CNTN4: variants seen among roughly 807,000 people sequenced by gnomAD.
CNTN4 encodes the protein contactin 4.
In CNTN4, 77 loss-of-function variants were observed where a neutral mutation model predicts 122.5. The ratio of observed to expected loss-of-function variants is 0.63; its 90% CI spans 0.52 to 0.76. The LOEUF is 0.76. Among genes scored for constraint, CNTN4 ranks in the 30% least tolerant of loss-of-function variants. CNTN4 has a pLI of 0.00. For synonymous variants in CNTN4, 512 were observed against 447.0 expected, an observed-to-expected ratio of 1.15 and a Z score of -1.83; for missense variants, 1,256 against 1,259.1, an observed-to-expected ratio of 1.00 and a Z score of 0.04.
At chr3:2,170,208 T>C (rs1273037562) in intron 2 of CNTN4, among the ~76,000 whole-genome samples, 9 of 151,414 alleles carry the variant, frequency 5.9e-5, no homozygotes, top group Admixed American at 1.3e-4. Flanking sequence ...TAGTCCCAGC[T>C]ACTCGGGAGG....
chr3:2,594,582 C>G (rs763679390), intron 4 of CNTN4, among the ~76,000 whole-genome samples: 1 of 152,060 alleles, frequency 6.6e-6, no homozygotes, highest in Non-Finnish European at 1.5e-5. Flanking sequence ...CCACACCCGG[C>G]TAATATTTAT....
intron 4 of CNTN4, among the ~76,000 whole-genome samples, chr3:2,660,556 G>A (rs2083836521): frequency 6.6e-6 from 1 of 152,134 alleles, no homozygotes; most frequent in Admixed American, 6.5e-5. Context: ...CATATGTCCA[G>A]GCAATTAAAA....
At chr3:2,798,314 T>A (rs1282453070) in intron 6 of CNTN4, among the ~76,000 whole-genome samples, 10 of 133,874 alleles carry the variant, frequency 7.5e-5, no homozygotes, top group Non-Finnish European at 1.5e-4. Flanking sequence ...TATGTTTATA[T>A]ATTTATGTTT....
intron 3 of CNTN4, among the ~76,000 whole-genome samples, chr3:2,452,659 G>C (rs752615561): frequency 1.1e-4 from 16 of 152,080 alleles, no homozygotes; most frequent in Non-Finnish European, 1.6e-4. Flanking sequence ...TTTAATGAAT[G>C]CCAGGCTTCT....
chr3:2,278,277 AAC>A (rs1448734829), intron 2 of CNTN4, among the ~76,000 whole-genome samples: 1 of 152,240 alleles, frequency 6.6e-6, no homozygotes, highest in Non-Finnish European at 1.5e-5. Context: ...CTAAAAAATC[AAC>A]AGAGTTATTT....
At chr3:2,600,442 C>T (rs958341647) in intron 4 of CNTN4, among the ~76,000 whole-genome samples, 3 of 152,032 alleles carry the variant, frequency 2.0e-5, no homozygotes, top group African/African-American at 7.2e-5. Context: ...TGAGTGAGAA[C>T]ATGCGGTGTT....
chr3:2,840,723 A>C (rs1264049190), intron 7 of CNTN4, among the ~76,000 whole-genome samples: 1 of 151,946 alleles, frequency 6.6e-6, no homozygotes, highest in African/African-American at 2.4e-5. Context: ...TAAAAATAAA[A>C]AAATAAAAGC....
intron 12 of CNTN4, among the ~76,000 whole-genome samples, chr3:2,907,974 T>C (rs2094256146): frequency 6.6e-6 from 1 of 152,234 alleles, no homozygotes; most frequent in African/African-American, 2.4e-5. Flanking sequence ...GACTGAACTA[T>C]GACAATTGGC....
At chr3:2,650,801 T>C (rs2083325806) in intron 4 of CNTN4, among the ~76,000 whole-genome samples, 1 of 152,234 alleles carries the variant, frequency 6.6e-6, no homozygotes, top group South Asian at 2.1e-4. Context: ...GTACACTTAT[T>C]AAACTGCAGT....
At chr3:2,994,286 A>G (rs1250887365) in intron 14 of CNTN4, among the ~76,000 whole-genome samples, 1 of 152,118 alleles carries the variant, frequency 6.6e-6, no homozygotes, top group East Asian at 1.9e-4. Context: ...CTGGATTTTA[A>G]AAGAGTTCTT....
intron 4 of CNTN4, among the ~76,000 whole-genome samples, chr3:2,661,809 CAAAAAAAA>C (rs544079802): frequency 1.3e-5 from 1 of 78,494 alleles, no homozygotes; most frequent in African/African-American, 4.7e-5. Flanking sequence ...AATTCCATCT[CAAAAAAAA>C]AAAAAAAAAA....
intron 16 of CNTN4, among the ~76,000 whole-genome samples, 185 bp downstream of exon 16, chr3:3,031,160 G>A (rs76907304): frequency 6.6e-6 from 1 of 152,212 alleles, no homozygotes; most frequent in African/African-American, 2.4e-5. Context: ...AGTGCGGCTT[G>A]TCAGAAAATG....
chr3:2,891,084 T>A (rs2094034292), intron 10 of CNTN4, among the ~76,000 whole-genome samples: 1 of 152,130 alleles, frequency 6.6e-6, no homozygotes, highest in Non-Finnish European at 1.5e-5. Flanking sequence ...GACCTAATAT[T>A]TTACTGGAAG....
chr3:2,799,555 G>A (rs2728081), intron 6 of CNTN4, among the ~76,000 whole-genome samples: 1 of 151,838 alleles, frequency 6.6e-6, no homozygotes, highest in African/African-American at 2.4e-5. Flanking sequence ...CTCTGCCTCC[G>A]GGGTTCAAGC....
intron 13 of CNTN4, among the ~76,000 whole-genome samples, chr3:2,983,704 C>A (rs80021580): frequency 0.087 from 13,232 of 152,256 alleles, 770 homozygotes; most frequent in Non-Finnish European, 0.12. Flanking sequence ...AGTCACACAA[C>A]TTCTAAGTAG....
chr3:2,230,420 A>G (rs2039440859), intron 2 of CNTN4, among the ~76,000 whole-genome samples: 1 of 152,166 alleles, frequency 6.6e-6, no homozygotes, highest in Admixed American at 6.5e-5. Flanking sequence ...GTCCAAGTAT[A>G]CCAGCTGGAA....
chr3:2,706,399 A>G lies in CNTN4; in HGVS notation c.56-29816A>G, dbSNP rs190526387. On this transcript the variant is annotated intron_variant, in intron 4 of 24. Transcript: ENST00000418658. ...GAGGATGTCTTGTTAACTTTAAGGA[A>G]GGTGCTCTAAAATATGAATCAGCAT... Among the ~76,000 whole-genome samples, 18 of 152,284 alleles carry G rather than the reference A, an allele frequency of 1.2e-4. No individual in the cohort carries two copies. In the East Asian group the frequency reaches 1.4e-3, roughly 11 times the overall value.
intron 3 of CNTN4, among the ~76,000 whole-genome samples, chr3:2,517,798 T>G (rs2077082889): frequency 2.0e-5 from 3 of 152,278 alleles, no homozygotes; most frequent in Non-Finnish European, 2.9e-5. Context: ...GGCATAATGC[T>G]TGACTCCAGG....
At chr3:2,848,293 A>C (rs948036802) in intron 7 of CNTN4, among the ~76,000 whole-genome samples, 1 of 152,182 alleles carries the variant, frequency 6.6e-6, no homozygotes, top group Admixed American at 6.5e-5. Flanking sequence ...TTTCACTTAC[A>C]GTGAGGCTGA....
Sources: gnomAD v4.1 joint callset for allele counts (sites outside exome capture counted in the v4.1 genomes callset) on GRCh38, gnomAD v4.1.1 for gene constraint, MANE v1.5 for transcripts, NCBI Gene and HGNC (gene_info 2026-07-23, HGNC 2026-07-21) for gene names.